Variants in MPPED1 observed in about 807,000 individuals in gnomAD.
MPPED1 encodes the protein metallophosphoesterase domain containing 1.
MPPED1 carries 16 observed loss-of-function variants against 36.2 expected under a neutral mutation model. That is an observed-to-expected ratio of 0.44 (90% CI 0.30 to 0.67). MPPED1 has a LOEUF of 0.67. MPPED1 is among the 30% of genes least tolerant of loss of function. The probability of loss-of-function intolerance (pLI) is 0.10; values close to 1 mark genes in which losing one functional copy is unlikely to be tolerated. For synonymous variants in MPPED1, 199 were observed against 191.3 expected (o/e 1.04, Z -0.33); for missense variants, 307 against 453.4 (o/e 0.68, Z 2.93).
intron 3 of MPPED1, among the ~76,000 whole-genome samples, chr22:43,444,625 A>G (rs1005565633): frequency 1.3e-5 from 2 of 151,850 alleles, no homozygotes. Flanking sequence ...GGCCTACCAA[A>G]GTGTTGGGAT....
chr22:43,449,281 G>A (rs1213037508), intron 3 of MPPED1, among the ~76,000 whole-genome samples: 1 of 152,162 alleles, frequency 6.6e-6, no homozygotes, highest in Non-Finnish European at 1.5e-5. Flanking sequence ...CCTGGGCCCT[G>A]AGTATATTGT....
chr22:43,491,759 G>A (rs1445883241), intron 4 of MPPED1, among the ~76,000 whole-genome samples: 1 of 151,162 alleles, frequency 6.6e-6, no homozygotes, highest in Non-Finnish European at 1.5e-5. Flanking sequence ...TGGAGGTAGT[G>A]GTGATGGAGG....
intron 3 of MPPED1, among the ~76,000 whole-genome samples, chr22:43,468,691 T>C (rs1324974618): frequency 6.6e-6 from 1 of 152,032 alleles, no homozygotes; most frequent in Admixed American, 6.5e-5. Context: ...CATGACTGTG[T>C]CCCCAGCGGA....
At chr22:43,450,635 C>G (rs570282938) in intron 3 of MPPED1, among the ~76,000 whole-genome samples, 1 of 152,214 alleles carries the variant, frequency 6.6e-6, no homozygotes, top group African/African-American at 2.4e-5. Context: ...ATGCATAACA[C>G]AGGCAGCCAT....
At chr22:43,451,141 G>C (rs575459922) in intron 3 of MPPED1, among the ~76,000 whole-genome samples, 1 of 151,988 alleles carries the variant, frequency 6.6e-6, no homozygotes, top group South Asian at 2.1e-4. Context: ...TGAGTAGCTG[G>C]GACTACAGGC....
chr22:43,433,071 G>T (rs1323481750), intron 2 of MPPED1, among the ~76,000 whole-genome samples: 1 of 152,064 alleles, frequency 6.6e-6, no homozygotes, highest in African/African-American at 2.4e-5. Flanking sequence ...TGTGTGGGGG[G>T]GCGGCAGGGT....
At chr22:43,466,537 C>A (rs1569078990) in intron 3 of MPPED1, among the ~76,000 whole-genome samples, 1 of 152,120 alleles carries the variant, frequency 6.6e-6, no homozygotes, top group Admixed American at 6.5e-5. Flanking sequence ...ATTAACCTTG[C>A]CTTTTATTTT....
intron 3 of MPPED1, among the ~76,000 whole-genome samples, chr22:43,470,555 A>G (rs760650419): frequency 4.6e-5 from 7 of 152,260 alleles, no homozygotes; most frequent in Non-Finnish European, 1.0e-4. Flanking sequence ...GTGTGCATCC[A>G]TATATCCATC....
At chr22:43,445,362 G>A (rs944934454) in intron 3 of MPPED1, among the ~76,000 whole-genome samples, 2 of 150,980 alleles carry the variant, frequency 1.3e-5, no homozygotes, top group Admixed American at 6.6e-5. Flanking sequence ...TCTTTTTTTC[G>A]CCTCTACTGG....
At chr22:43,432,511 GAGAA>G (rs1929747274) in intron 2 of MPPED1, among the ~76,000 whole-genome samples, 2 of 125,746 alleles carry the variant, frequency 1.6e-5, no homozygotes, top group Non-Finnish European at 3.3e-5. Context: ...GAGAGGGAAA[GAGAA>G]AGGGAGGAGA....
intron 3 of MPPED1, among the ~76,000 whole-genome samples, chr22:43,467,760 C>T (rs545115031): frequency 2.6e-5 from 4 of 152,242 alleles, no homozygotes; most frequent in African/African-American, 9.6e-5. Flanking sequence ...GCGGAAGAAG[C>T]CATAAGTGGG....
In MPPED1 at chr22:43,507,092, T is replaced by G. The variant is rs1304187205; in HGVS notation, c.*1476T>G. The G allele has an allele frequency of 6.6e-6, 1 of 152,158 alleles. No homozygotes were observed. Among genetic ancestry groups the G allele is most frequent in the Non-Finnish European group, 1.5e-5 (1 of 68,038 alleles). The allele number at this position is 152,158 out of a possible 1,614,324, so 9.4% of individuals were successfully genotyped here. A position where few individuals can be genotyped will look rare whatever the true frequency, so the allele number is the denominator to read the frequency against. ...AGGTACTTTAGTCCCATTTTAGAGA[T>G]GAGACGATTGAGGCCAGAGGGGTGT... is the stretch of plus-strand genomic sequence containing the variant. On this transcript the variant is annotated 3_prime_UTR_variant, in exon 7 of 7. Coordinates refer to ENST00000443721, the MANE Select transcript of MPPED1 (RefSeq NM_001044370.2).
chr22:43,445,621 C>T (rs1930311572), intron 3 of MPPED1, among the ~76,000 whole-genome samples: 1 of 142,904 alleles, frequency 7.0e-6, no homozygotes, highest in Non-Finnish European at 1.5e-5. Context: ...AGTGCGGTGG[C>T]ACAATCATTG....
chr22:43,448,686 T>C (rs1930451402), intron 3 of MPPED1, among the ~76,000 whole-genome samples: 2 of 152,116 alleles, frequency 1.3e-5, no homozygotes, highest in African/African-American at 4.8e-5. Flanking sequence ...CACTGCAACC[T>C]CTGCCTCCAG....
At chr22:43,463,690 C>T (rs900730626) in intron 3 of MPPED1, among the ~76,000 whole-genome samples, 27 of 152,122 alleles carry the variant, frequency 1.8e-4, no homozygotes, top group South Asian at 2.1e-4. Context: ...CCAAGGATGT[C>T]AATGATATAG....
chr22:43,496,583 G>A (rs865783849), intron 4 of MPPED1, among the ~76,000 whole-genome samples: 5 of 23,736 alleles, frequency 2.1e-4, no homozygotes, highest in African/African-American at 1.0e-3. Context: ...GGTGGTGGTG[G>A]TGGTGGAGAT....
chr22:43,480,826 CT>C (rs538718282), intron 4 of MPPED1, among the ~76,000 whole-genome samples: 1,773 of 137,804 alleles, frequency 0.013, 18 homozygotes, highest in Middle Eastern at 0.03. Context: ...CTTTTCTTTT[CT>C]TTTTTTTTTT....
At chr22:43,440,681 G>A (rs1930118845) in intron 3 of MPPED1, among the ~76,000 whole-genome samples, 1 of 152,056 alleles carries the variant, frequency 6.6e-6, no homozygotes, top group Non-Finnish European at 1.5e-5. Flanking sequence ...GCCACAGGAA[G>A]CCTGCAGCCT....
rs1308525512 is a variant in MPPED1, at chr22:43,435,186, G to T, written c.377G>T (p.Ser126Ile). The change falls in exon 3 of 7, where the codon AGC (serine) becomes ATC (isoleucine). Residue 126 changes from serine to isoleucine, a missense_variant. Ser to Ile is a moderately radical substitution (Grantham distance 142). Around this residue, in one of 3 missense-constraint regions of MPPED1, gnomAD observed 169 missense variants for 212.3 expected, o/e 0.80. Transcript: ENST00000443721. ...GACTTCACTGAGCTGGGGCTCCCGA[G>T]CGAGGTGAAGAAGTTCAACGAGTGG... ...AGDFTELGLP[S>I]EVKKFNEWLG... 6.2e-7 allele frequency: 1 copy of T among 1,611,314 alleles called. No individual in the cohort carries two copies. Among genetic ancestry groups the T allele is most frequent in the East Asian group, 2.2e-5 (1 of 44,872 alleles).
Sources: allele counts gnomAD v4.1 joint callset (sites outside exome capture counted in the v4.1 genomes callset), GRCh38; gene constraint gnomAD v4.1.1; regional missense constraint gnomAD v4.1.1; transcripts MANE v1.5; gene names NCBI Gene and HGNC (gene_info 2026-07-23, HGNC 2026-07-21).